GRK4: variants seen among roughly 807,000 people sequenced by gnomAD.
GRK4 encodes the protein G protein-coupled receptor kinase 2-like.
GRK4 carries 73 observed loss-of-function variants against 77.9 expected under a neutral mutation model. That is an observed-to-expected ratio of 0.94 (90% CI 0.78 to 1.14). The LOEUF (loss-of-function observed/expected upper bound fraction) is 1.14, where lower values mean the gene tolerates loss of function less well. Among genes scored for constraint, GRK4 ranks in the 50% most tolerant of loss-of-function variants. The pLI, the probability that GRK4 is intolerant of heterozygous loss-of-function variation, is 0.00. For missense variants in GRK4, 729 were observed against 700.2 expected (o/e 1.04, Z -0.46); for synonymous variants, 257 against 254.4 (o/e 1.01, Z -0.10).
intron 2 of GRK4, chr4:2,985,879 GTC>G (rs1724174816): frequency 6.2e-6 from 1 of 160,968 alleles, no homozygotes; most frequent in South Asian, 1.2e-4. Flanking sequence ...GGCGCCTGTA[GTC>G]CCAGCTACTT....
intron 12 of GRK4, among the ~76,000 whole-genome samples, chr4:3,031,098 G>A (rs972274412): frequency 2.6e-5 from 4 of 152,114 alleles, no homozygotes; most frequent in African/African-American, 9.7e-5. Context: ...CTCCAAGATG[G>A]GCTGGAGGGA....
At chr4:2,964,945 A>G (rs929370778) in intron 1 of GRK4, among the ~76,000 whole-genome samples, 6 of 145,658 alleles carry the variant, frequency 4.1e-5, no homozygotes, top group African/African-American at 7.5e-5. Flanking sequence ...AGGGGTGAAG[A>G]AAAAAAAAAA....
chr4:3,000,200 A>G (rs2960298), intron 4 of GRK4, among the ~76,000 whole-genome samples: 55,320 of 151,958 alleles, frequency 0.36, 10,532 homozygotes, highest in African/African-American at 0.44. Flanking sequence ...GTAGTTCTGT[A>G]CCTTACCTTG....
intron 1 of GRK4, among the ~76,000 whole-genome samples, chr4:2,977,730 G>A (rs911797278): frequency 4.6e-5 from 7 of 152,078 alleles, no homozygotes; most frequent in African/African-American, 1.2e-4. Context: ...ACAAAGAAGC[G>A]AGAGAGCACG....
chr4:2,985,984 C>CA (rs1181104072), intron 2 of GRK4, among the ~76,000 whole-genome samples: 40,474 of 91,068 alleles, frequency 0.44, 6,829 homozygotes, highest in African/African-American at 0.49. Context: ...GACTCCGTCT[C>CA]AAAAAAAAAA....
intron 10 of GRK4, among the ~76,000 whole-genome samples, chr4:3,023,236 G>A (rs896315751): frequency 1.3e-5 from 2 of 152,180 alleles, no homozygotes; most frequent in African/African-American, 4.8e-5. Context: ...CAGCATGGGT[G>A]CACACTCCAC....
chr4:3,012,564 T>A (rs772698506), intron 7 of GRK4, among the ~76,000 whole-genome samples: 5 of 152,238 alleles, frequency 3.3e-5, no homozygotes, highest in Admixed American at 6.5e-5. Flanking sequence ...TAAAATTAAA[T>A]CATGTCTTAT....
At chr4:2,968,310 T>C (rs1380863557) in intron 1 of GRK4, among the ~76,000 whole-genome samples, 1 of 152,174 alleles carries the variant, frequency 6.6e-6, no homozygotes, top group African/African-American at 2.4e-5. Context: ...ATATTGCAAT[T>C]CTGTTCTGAT....
chr4:2,970,687 G>C (rs956986710), intron 1 of GRK4, among the ~76,000 whole-genome samples: 7 of 150,802 alleles, frequency 4.6e-5, no homozygotes, highest in Non-Finnish European at 7.4e-5. Flanking sequence ...TTTTTTTTTG[G>C]GGGGGTCAGT....
chr4:3,019,828 A>G lies in GRK4; in HGVS notation c.929A>G (p.Tyr310Cys). ...LEDLQRERIV[Y>C]RDLKPENILL... Reference sequence around the variant, plus strand: ...GATTTACAGAGGGAAAGAATTGTATACAGGTAAGAACGGTGCTACCTAATG... The same window carrying G: ...GATTTACAGAGGGAAAGAATTGTATGCAGGTAAGAACGGTGCTACCTAATG... Residue 310 changes from tyrosine (Y) to cysteine (C), a missense_variant, in exon 9 of 16, where the codon TAC (tyrosine) becomes TGC (cysteine). Tyr to Cys is a radical substitution (Grantham distance 194). Coordinates refer to ENST00000398052, the MANE Select transcript of GRK4 (RefSeq NM_182982.3). 1 of 1,612,584 alleles carries G rather than the reference A, an allele frequency of 6.2e-7. No homozygotes were observed. The highest frequency in any genetic ancestry group is 8.5e-7 in the Non-Finnish European group (1 of 1,178,966).
At chr4:3,013,908 G>A in intron 8 of GRK4, 80 bp downstream of exon 8, 7 of 1,397,428 alleles carry the variant, frequency 5.0e-6, no homozygotes, top group Non-Finnish European at 5.8e-6. Flanking sequence ...CTCAGCTCAC[G>A]CTCACTGAAG....
At chr4:2,990,602 T>C (rs1027699225) in intron 3 of GRK4, among the ~76,000 whole-genome samples, 10 of 152,164 alleles carry the variant, frequency 6.6e-5, no homozygotes, top group Non-Finnish European at 8.8e-5. Flanking sequence ...GGGGCATGCT[T>C]ACTCAGTTTG....
intron 4 of GRK4, among the ~76,000 whole-genome samples, chr4:3,003,506 A>G (rs1425171820): frequency 2.6e-5 from 4 of 151,452 alleles, no homozygotes; most frequent in African/African-American, 9.7e-5. Context: ...GGCTTATTTC[A>G]TTTAACATAA....
chr4:3,013,535 A>G (rs892528124), intron 7 of GRK4, among the ~76,000 whole-genome samples, 153 bp from the exon 8 acceptor site: 1 of 152,170 alleles, frequency 6.6e-6, no homozygotes, highest in Non-Finnish European at 1.5e-5. Flanking sequence ...GCCGACTCAC[A>G]CTGACGAAGC....
At chr4:3,010,201 A>T (rs1732487490) in intron 7 of GRK4, among the ~76,000 whole-genome samples, 1 of 151,690 alleles carries the variant, frequency 6.6e-6, no homozygotes. Context: ...TCACAGACTC[A>T]CGAGGGGTGT....
At chr4:2,966,206 G>A (rs1220786589) in intron 1 of GRK4, 1 of 152,280 alleles carries the variant, frequency 6.6e-6, no homozygotes, top group Non-Finnish European at 1.5e-5. Context: ...AAGGTCAGGA[G>A]ATTGAGACCA....
intron 1 of GRK4, chr4:2,965,312 T>G: frequency 1.4e-6 from 1 of 703,040 alleles, no homozygotes; most frequent in East Asian, 2.7e-5. Flanking sequence ...CAATCCTCTG[T>G]GCAATCCTCT....
At chr4:3,016,979 T>C (rs1159352935) in intron 8 of GRK4, among the ~76,000 whole-genome samples, 1 of 152,256 alleles carries the variant, frequency 6.6e-6, no homozygotes, top group Non-Finnish European at 1.5e-5. Flanking sequence ...TACAGTGGCA[T>C]GTTCATCCCT....
intron 15 of GRK4, 52 bp downstream of exon 15, chr4:3,038,565 A>AC: frequency 2.0e-6 from 3 of 1,537,372 alleles, no homozygotes; most frequent in South Asian, 1.2e-5. Context: ...AAAAAAAAAA[A>AC]CATACTGACT....
Sources: gnomAD v4.1 joint callset for allele counts (sites outside exome capture counted in the v4.1 genomes callset) on GRCh38, gnomAD v4.1.1 for gene constraint, MANE v1.5 for transcripts, NCBI Gene and HGNC (gene_info 2026-07-23, HGNC 2026-07-21) for gene names.